MET: variants seen among roughly 807,000 people sequenced by gnomAD.
The protein encoded by MET is MET proto-oncogene, receptor tyrosine kinase.
MET carries 48 observed loss-of-function variants against 133.1 expected under a neutral mutation model. The observed-to-expected ratio is 0.36, with a 90% confidence interval of 0.29 to 0.46. MET has a LOEUF of 0.46. Among genes scored for constraint, MET ranks in the 20% least tolerant of loss-of-function variants. The probability of loss-of-function intolerance (pLI) is 1.00; values close to 1 mark genes in which losing one functional copy is unlikely to be tolerated. For missense variants in MET, 1,442 were observed against 1,695.9 expected, an observed-to-expected ratio of 0.85 and a Z score of 2.63; for synonymous variants, 628 against 616.5, an observed-to-expected ratio of 1.02 and a Z score of -0.28.
At chr7:116,732,604 A>G (rs974185176) in intron 3 of MET, among the ~76,000 whole-genome samples, 1 of 152,166 alleles carries the variant, frequency 6.6e-6, no homozygotes, top group African/African-American at 2.4e-5. Flanking sequence ...AAAGAATGAC[A>G]ATAGCATCTA....
rs185265967 is a variant in MET, at chr7:116,715,474, T to A, written c.1200+15190T>A. 1.7e-3 allele frequency among the ~76,000 whole-genome samples: 255 copies of A among 152,340 alleles called. 2 individuals carry two copies. The highest frequency in any genetic ancestry group is 5.8e-3 in the African/African-American group (243 of 41,586). On this transcript the variant is annotated intron_variant, in intron 2 of 20. Transcript: ENST00000397752. The stretch of plus-strand genomic sequence containing the variant: ...ACAACAGTCATTGAATTCAGGGCAC[T>A]CACTAAATCCAGGATGATTTCATCT...
At chr7:116,790,981 G>A (rs893303218) in intron 19 of MET, among the ~76,000 whole-genome samples, 8 of 152,150 alleles carry the variant, frequency 5.3e-5, no homozygotes, top group African/African-American at 1.4e-4. Context: ...AGGAGGCTGC[G>A]GCGGGACAGT....
At chr7:116,683,888 C>A (rs1173290757) in intron 1 of MET, among the ~76,000 whole-genome samples, 5 of 152,204 alleles carry the variant, frequency 3.3e-5, no homozygotes, top group African/African-American at 1.2e-4. Context: ...TTCTGTAAGG[C>A]TCCATCTGAA....
intron 10 of MET, among the ~76,000 whole-genome samples, chr7:116,760,582 G>A (rs1197760361): frequency 6.6e-6 from 1 of 152,118 alleles, no homozygotes; most frequent in Non-Finnish European, 1.5e-5. Context: ...GATTGGTCAG[G>A]TGATAGATTG....
chr7:116,711,739 A>G (rs1471197190), intron 2 of MET, among the ~76,000 whole-genome samples: 1 of 152,130 alleles, frequency 6.6e-6, no homozygotes, highest in Non-Finnish European at 1.5e-5. Flanking sequence ...CTGTTGGAGT[A>G]AGTAATCTTT....
intron 5 of MET, among the ~76,000 whole-genome samples, chr7:116,741,712 A>G (rs1263864839): frequency 6.6e-6 from 1 of 152,254 alleles, no homozygotes; most frequent in Non-Finnish European, 1.5e-5. Flanking sequence ...GCAAAGGCTC[A>G]ACGGATGACT....
Position 116,787,904 on chromosome 7 carries a change from C to T in MET, c.3798+4435C>T, listed in dbSNP as rs566371663. Among the ~76,000 whole-genome samples the T allele has an allele frequency of 3.2e-4, 48 of 151,988 alleles. 1 individual carries two copies. The South Asian group carries it at 9.8e-3, about 31-fold the overall frequency. ...ATCACAGTAGTTTTCTTCATAATAG[C>T]CAAAAACCAGAAGCAATCTTAATGT... is the stretch of plus-strand genomic sequence containing the variant. On this transcript the variant is annotated intron_variant, in intron 19 of 20. Transcript: ENST00000397752.
At chr7:116,734,717 GT>G (rs1192350534) in intron 3 of MET, among the ~76,000 whole-genome samples, 2 of 152,222 alleles carry the variant, frequency 1.3e-5, no homozygotes, top group Non-Finnish European at 2.9e-5. Context: ...GATAAGCAAT[GT>G]TTGAGATAGT....
chr7:116,679,584 A>AGCAGG (rs1189042271), intron 1 of MET, among the ~76,000 whole-genome samples: 6 of 152,214 alleles, frequency 3.9e-5, no homozygotes, highest in African/African-American at 1.2e-4. Context: ...GGTCGCTTGT[A>AGCAGG]TGTATAAGCA....
At chr7:116,703,839 T>G (rs1791671854) in intron 2 of MET, among the ~76,000 whole-genome samples, 1 of 152,138 alleles carries the variant, frequency 6.6e-6, no homozygotes, top group Non-Finnish European at 1.5e-5. Context: ...AATCGTACAT[T>G]TTAGAAAAAA....
At position 116,797,608 on chromosome 7, in the gene MET, A is replaced by G. The variant is rs905192814; in HGVS notation, c.*1484A>G. On this transcript the variant is annotated 3_prime_UTR_variant, in exon 21 of 21. Transcript: ENST00000397752. ...TCTAACTGGTTTTGTCGACGTAAAC[A>G]TTTAAAGTGTTATATTTTTTATAAA... 1.4e-4 allele frequency: 32 copies of G among 225,438 alleles called. No homozygotes were observed. Among genetic ancestry groups the G allele is most frequent in the South Asian group, 7.4e-4 (4 of 5,438 alleles). 14.0% of individuals were successfully genotyped at this position (225,438 alleles called of 1,614,324 possible). A position where few individuals can be genotyped will look rare whatever the true frequency, so the allele number is the denominator to read the frequency against.
rs559653995 is a variant in MET, at chr7:116,690,437, TG to T, written c.-14-8631del. On this transcript the variant is annotated intron_variant, in intron 1 of 20. Transcript: ENST00000397752. ...ACTCCACCTTGTCTCCAGAATGTTT[TG>T]GGCTGTTTAAATGTGATTATACCAA... Among the ~76,000 whole-genome samples the T allele has an allele frequency of 7.0e-4, 106 of 152,334 alleles. 3 individuals carry two copies. In the South Asian group the frequency reaches 0.021, roughly 30 times the overall value.
At position 116,685,798 on chromosome 7, in the gene MET, G is replaced by A. The variant is rs948952260; in HGVS notation, c.-15+13221G>A. Among the ~76,000 whole-genome samples, 12 of 152,280 alleles carry A rather than the reference G, an allele frequency of 7.9e-5. No individual in the cohort carries two copies. The South Asian group carries it at 2.5e-3, about 32-fold the overall frequency. ...AGTCTGCATGTCGGTAACTGGCAAA[G>A]CCATTCTCTCTGTTAAAAAAGTCAA... On this transcript the variant is annotated intron_variant, in intron 1 of 20. Transcript: ENST00000397752.
Position 116,776,260 on chromosome 7 carries a change from A to C in MET, c.3260-1129A>C, listed in dbSNP as rs562111069. Among the ~76,000 whole-genome samples the C allele has an allele frequency of 1.2e-3, 176 of 152,316 alleles. 3 individuals carry two copies. The highest frequency in any genetic ancestry group is 4.0e-3 in the African/African-American group (167 of 41,572). ...GGTAGCATCCACACATTCTTCTGTC[A>C]AACACCCCAGAGCGTAATCCTTTGT... On this transcript the variant is annotated intron_variant, in intron 15 of 20. Transcript: ENST00000397752.
Position 116,740,814 on chromosome 7 carries a change from A to T in MET, c.1528-38A>T, listed in dbSNP as rs574459492. 2,919 of 1,611,134 alleles carry T rather than the reference A, an allele frequency of 1.8e-3. 22 individuals are homozygous for T. In the Middle Eastern group the frequency reaches 0.022, roughly 12 times the overall value. Reference sequence around the variant, plus strand: ...TTTATAATTAATTAACAAACTAGATACCCCTCTGGAAGCTCTTTCCACCCC... The same window carrying T: ...TTTATAATTAATTAACAAACTAGATTCCCCTCTGGAAGCTCTTTCCACCCC... On this transcript the variant is annotated intron_variant, in intron 4 of 20. Coordinates refer to ENST00000397752, the MANE Select transcript of MET (RefSeq NM_000245.4).
At chr7:116,790,922 CA>C (rs1795471261) in intron 19 of MET, among the ~76,000 whole-genome samples, 1 of 152,154 alleles carries the variant, frequency 6.6e-6, no homozygotes, top group South Asian at 2.1e-4. Context: ...ACTAAAAATA[CA>C]AAAAATTAGC....
chr7:116,729,162 A>C (rs1178071993), intron 2 of MET, among the ~76,000 whole-genome samples: 2 of 152,180 alleles, frequency 1.3e-5, no homozygotes, highest in South Asian at 2.1e-4. Flanking sequence ...GTTATCTGCT[A>C]CTCCTCAGAG....
chr7:116,721,961 G>T (rs1313787614), intron 2 of MET, among the ~76,000 whole-genome samples: 1 of 150,510 alleles, frequency 6.6e-6, no homozygotes, highest in Non-Finnish European at 1.5e-5. Flanking sequence ...TGTATATTCT[G>T]TTGATTTGGG....
chr7:116,714,740 T>TGCAC (rs1407358466), intron 2 of MET, among the ~76,000 whole-genome samples: 2 of 122,414 alleles, frequency 1.6e-5, no homozygotes, highest in Non-Finnish European at 3.6e-5. Context: ...AACACTCACA[T>TGCAC]GCACGCACAC....
Sources: allele counts gnomAD v4.1 joint callset (sites outside exome capture counted in the v4.1 genomes callset), GRCh38; gene constraint gnomAD v4.1.1; transcripts MANE v1.5; gene names NCBI Gene and HGNC (gene_info 2026-07-23, HGNC 2026-07-21).